SPMIP7: variants seen among roughly 807,000 people sequenced by gnomAD.
The protein encoded by SPMIP7 is protein SPMIP7.
At chr7:50,106,791 T>C in the SPMIP7 span, among the ~76,000 whole-genome samples, 5 of 152,102 alleles carry the variant, frequency 3.3e-5, no homozygotes, top group Non-Finnish European at 7.4e-5. Flanking sequence ...AATTATAAAT[T>C]ACCAAATGGA....
the SPMIP7 span, among the ~76,000 whole-genome samples, chr7:50,117,715 G>T: frequency 2.0e-5 from 3 of 152,168 alleles, no homozygotes; most frequent in African/African-American, 7.2e-5. Context: ...ACCAGGCAGG[G>T]TATGATCTTA....
chr7:50,102,885 T>G, the SPMIP7 span, among the ~76,000 whole-genome samples: 1 of 151,056 alleles, frequency 6.6e-6, no homozygotes, highest in East Asian at 1.9e-4. Flanking sequence ...TCATTAAAGG[T>G]TAGGAAAATG....
At chr7:50,141,409 T>A in the SPMIP7 span, 1 of 1,358,998 alleles carries the variant, frequency 7.4e-7, no homozygotes, top group Non-Finnish European at 1.0e-6. Context: ...TTCATGATTA[T>A]TTCACTTGTT....
At chr7:50,112,551 A>C in the SPMIP7 span, among the ~76,000 whole-genome samples, 2 of 152,190 alleles carry the variant, frequency 1.3e-5, no homozygotes, top group Admixed American at 1.3e-4. Flanking sequence ...GTAATGAATA[A>C]ATTAGAGAAG....
the SPMIP7 span, among the ~76,000 whole-genome samples, chr7:50,097,972 T>C: frequency 1.3e-5 from 2 of 152,186 alleles, no homozygotes; most frequent in African/African-American, 4.8e-5. Context: ...AAGTAATACC[T>C]GCAATTTGGG....
chr7:50,102,488 C>T, the SPMIP7 span, among the ~76,000 whole-genome samples: 1 of 152,110 alleles, frequency 6.6e-6, no homozygotes, highest in African/African-American at 2.4e-5. Flanking sequence ...CTGTCTGCTC[C>T]TAGAGGCTAC....
the SPMIP7 span, chr7:50,133,989 C>A: frequency 3.8e-3 from 3,302 of 863,872 alleles, 72 homozygotes; most frequent in African/African-American, 0.05. Flanking sequence ...GGTATACACA[C>A]CAAGGGGCAG....
the SPMIP7 span, among the ~76,000 whole-genome samples, chr7:50,144,915 C>T: frequency 5.9e-4 from 89 of 151,710 alleles, 3 homozygotes; most frequent in Admixed American, 2.8e-3. Flanking sequence ...CAAATTCATC[C>T]GCACTTATAA....
At chr7:50,143,785 T>C in the SPMIP7 span, among the ~76,000 whole-genome samples, 599 of 152,354 alleles carry the variant, frequency 3.9e-3, 5 homozygotes, top group Non-Finnish European at 6.0e-3. Flanking sequence ...CATTTTGGCA[T>C]ATTTCCATCT....
At chr7:50,113,843 A>G in the SPMIP7 span, among the ~76,000 whole-genome samples, 1 of 151,946 alleles carries the variant, frequency 6.6e-6, no homozygotes, top group Non-Finnish European at 1.5e-5. Flanking sequence ...ATCTGTATAA[A>G]TTTTTTTTAA....
the SPMIP7 span, chr7:50,136,306 G>A: frequency 1.6e-6 from 1 of 633,260 alleles, no homozygotes; most frequent in Non-Finnish European, 2.9e-6. Flanking sequence ...GGGACTCCCT[G>A]ACTCACATCC....
chr7:50,133,761 A>G, the SPMIP7 span, among the ~76,000 whole-genome samples: 2 of 152,174 alleles, frequency 1.3e-5, no homozygotes, highest in Non-Finnish European at 2.9e-5. Flanking sequence ...GCAGACAAAG[A>G]GCATGTGTTG....
At chr7:50,105,654 G>C in the SPMIP7 span, among the ~76,000 whole-genome samples, 51 of 152,222 alleles carry the variant, frequency 3.4e-4, no homozygotes, top group African/African-American at 1.2e-3. Context: ...TCACACACAT[G>C]GTAGGACTTT....
the SPMIP7 span, among the ~76,000 whole-genome samples, chr7:50,147,925 C>T: frequency 1.3e-5 from 2 of 152,192 alleles, no homozygotes; most frequent in Admixed American, 6.5e-5. Flanking sequence ...CGTCTCTCTA[C>T]TTTCCTCAAA....
the SPMIP7 span, chr7:50,133,962 G>T: frequency 1.5e-5 from 9 of 613,190 alleles, no homozygotes; most frequent in Middle Eastern, 8.7e-4. Flanking sequence ...TACTGTCCAG[G>T]GGAGGTGATT....
chr7:50,147,121 T>A, the SPMIP7 span, among the ~76,000 whole-genome samples: 1 of 152,224 alleles, frequency 6.6e-6, no homozygotes, highest in Non-Finnish European at 1.5e-5. Flanking sequence ...TTTTTTAAAT[T>A]AAAAGTATTA....
the SPMIP7 span, among the ~76,000 whole-genome samples, chr7:50,110,745 ATATGT>A: frequency 7.8e-6 from 1 of 128,612 alleles, no homozygotes; most frequent in African/African-American, 3.1e-5. Flanking sequence ...TTATATATAA[ATATGT>A]TATGTTATAT....
chr7:50,141,220 A>G, the SPMIP7 span: 1 of 1,151,720 alleles, frequency 8.7e-7, no homozygotes, highest in African/African-American at 1.5e-5. Context: ...ATACTGTTCA[A>G]TGGTTTCTTC....
chr7:50,103,443 A>G, the SPMIP7 span, among the ~76,000 whole-genome samples: 1 of 152,170 alleles, frequency 6.6e-6, no homozygotes, highest in Non-Finnish European at 1.5e-5. Context: ...CTGCAGGTTG[A>G]GTCTGAGGTT....
Sources: gnomAD v4.1 joint callset for allele counts (sites outside exome capture counted in the v4.1 genomes callset) on GRCh38, gnomAD v4.1.1 for gene constraint, MANE v1.5 for transcripts, NCBI Gene and HGNC (gene_info 2026-07-23, HGNC 2026-07-21) for gene names.